Variants in NCK2 observed in about 807,000 individuals in gnomAD.
NCK2 encodes NCK adaptor protein 2, also known as cytoplasmic protein NCK2.
NCK2 carries 16 observed loss-of-function variants against 33.9 expected under a neutral mutation model. The ratio of observed to expected loss-of-function variants is 0.47; its 90% CI spans 0.32 to 0.72. The LOEUF (loss-of-function observed/expected upper bound fraction) is 0.72. Among genes scored for constraint, NCK2 ranks in the 30% least tolerant of loss-of-function variants. The pLI, the probability that NCK2 is intolerant of heterozygous loss-of-function variation, is 0.03. For synonymous variants in NCK2, 273 were observed against 239.9 expected, an observed-to-expected ratio of 1.14 and a Z score of -1.27; for missense variants, 418 against 537.3, an observed-to-expected ratio of 0.78 and a Z score of 2.19.
rs757598660 is a variant in NCK2 at position 105,891,532 on chromosome 2, ATTTTTTTTTTTTTTTTTTT to A, written c.949-1432_949-1414del. 1.5e-3 allele frequency among the ~76,000 whole-genome samples: 125 copies of A among 81,352 alleles called. 1 individual carries two copies. The highest frequency in any genetic ancestry group is 6.6e-3 in the African/African-American group (119 of 17,986). The allele number at this position is 81,352 out of a possible 152,430, so 53.4% of individuals were successfully genotyped here. A position where few individuals can be genotyped will look rare whatever the true frequency, so the allele number is the denominator to read the frequency against. On this transcript the variant is annotated intron_variant, in intron 4 of 4. Coordinates refer to ENST00000233154, the MANE Select transcript of NCK2 (RefSeq NM_003581.5). Reference sequence around the variant, plus strand: ...TTTCAGCAAATGAGATAAAAGACCAATTTTTTTTTTTTTTTTTTTTTTTTTTTTTTTTTTTTGAGATTTT... The same window carrying A: ...TTTCAGCAAATGAGATAAAAGACCAATTTTTTTTTTTTTTTTTGAGATTTT...
At chr2:105,884,202 T>C (rs1678623898) in intron 4 of NCK2, among the ~76,000 whole-genome samples, 1 of 151,950 alleles carries the variant, frequency 6.6e-6, no homozygotes, top group South Asian at 2.1e-4. Context: ...GGACCTGTCC[T>C]GGTGGACAAG....
At chr2:105,834,094 T>A (rs945953416) in intron 2 of NCK2, among the ~76,000 whole-genome samples, 1 of 152,236 alleles carries the variant, frequency 6.6e-6, no homozygotes, top group Non-Finnish European at 1.5e-5. Context: ...CATGTGCTGA[T>A]GAAAGGGTGT....
chr2:105,775,803 TA>T (rs1312366679), intron 1 of NCK2, among the ~76,000 whole-genome samples: 1 of 152,194 alleles, frequency 6.6e-6, no homozygotes, highest in Non-Finnish European at 1.5e-5. Flanking sequence ...TGGATTCTTT[TA>T]ATGTGTATTT....
intron 3 of NCK2, among the ~76,000 whole-genome samples, chr2:105,879,519 G>A (rs542334921): frequency 2.6e-5 from 4 of 152,228 alleles, no homozygotes; most frequent in Non-Finnish European, 5.9e-5. Flanking sequence ...AAATCTAAGC[G>A]TTTCACCTGT....
chr2:105,776,157 G>A (rs1293314369), intron 1 of NCK2, among the ~76,000 whole-genome samples: 1 of 152,152 alleles, frequency 6.6e-6, no homozygotes, highest in African/African-American at 2.4e-5. Flanking sequence ...AGGAATCTCA[G>A]TGCTCTGCCC....
At chr2:105,779,468 T>C (rs1400100814) in intron 1 of NCK2, among the ~76,000 whole-genome samples, 1 of 152,214 alleles carries the variant, frequency 6.6e-6, no homozygotes, top group Non-Finnish European at 1.5e-5. Flanking sequence ...AGAGCTTCAG[T>C]CTGTCTGAAT....
At chr2:105,745,860 AC>A (rs1423496426) in intron 1 of NCK2, 3 of 152,194 alleles carry the variant, frequency 2.0e-5, no homozygotes, top group Non-Finnish European at 4.4e-5. Context: ...CGATTTAATC[AC>A]CGAGTGCTTT....
At chr2:105,850,006 A>G (rs1324333523) in intron 2 of NCK2, among the ~76,000 whole-genome samples, 1 of 152,172 alleles carries the variant, frequency 6.6e-6, no homozygotes, top group Admixed American at 6.5e-5. Context: ...CCACACCTAT[A>G]TAAATGTTAA....
chr2:105,867,049 G>A (rs1014829335), intron 3 of NCK2, among the ~76,000 whole-genome samples: 3 of 152,132 alleles, frequency 2.0e-5, no homozygotes, highest in African/African-American at 2.4e-5. Context: ...AAACTAAGCC[G>A]CTCTCCAAGG....
chr2:105,774,664 C>T (rs2104388120), intron 1 of NCK2, among the ~76,000 whole-genome samples: 1 of 152,176 alleles, frequency 6.6e-6, no homozygotes, highest in South Asian at 2.1e-4. Flanking sequence ...CCTGTCCACT[C>T]TGTGGTGCGG....
rs536506422 is a variant in NCK2 at position 105,881,279 on chromosome 2, G to C, written c.227-49G>C. ...GAAATCCCGGTAGGCTAGGGAGTGT[G>C]GTGGTGCCCAAGTGCCCTGCGCCAC... On this transcript the variant is annotated intron_variant, in intron 3 of 4. Transcript: ENST00000233154. 7.2e-6 allele frequency: 11 copies of C among 1,537,100 alleles called. No homozygotes were observed. In the African/African-American group the frequency reaches 1.1e-4, roughly 15 times the overall value.
chr2:105,867,229 G>T (rs1168379781), intron 3 of NCK2, among the ~76,000 whole-genome samples: 1 of 152,154 alleles, frequency 6.6e-6, no homozygotes, highest in Non-Finnish European at 1.5e-5. Context: ...GACTCTGTGG[G>T]TTTTCAGAGA....
At chr2:105,840,109 C>T (rs1335743430) in intron 2 of NCK2, among the ~76,000 whole-genome samples, 2 of 152,092 alleles carry the variant, frequency 1.3e-5, no homozygotes, top group Non-Finnish European at 2.9e-5. Context: ...AGAGTATCCC[C>T]TCTATAAAGG....
At position 105,809,846 on chromosome 2, in the gene NCK2, A is replaced by G. The variant is rs186529783; in HGVS notation, c.-200-6584A>G. Among the ~76,000 whole-genome samples the G allele has an allele frequency of 2.2e-4, 34 of 152,298 alleles. No individual in the cohort carries two copies. The East Asian group carries it at 4.6e-3, about 21-fold the overall frequency. Reference sequence around the variant, plus strand: ...GAGGGGCTTTTGAAGAGCTTCTTGAATGAGAGATCTTACCTCACCCACTGA... The same window carrying G: ...GAGGGGCTTTTGAAGAGCTTCTTGAGTGAGAGATCTTACCTCACCCACTGA... On this transcript the variant is annotated intron_variant, in intron 1 of 4. Coordinates refer to ENST00000233154, the MANE Select transcript of NCK2 (RefSeq NM_003581.5).
chr2:105,754,429 C>T (rs1032984980), intron 1 of NCK2, among the ~76,000 whole-genome samples: 1 of 152,188 alleles, frequency 6.6e-6, no homozygotes, highest in African/African-American at 2.4e-5. Context: ...TTATGTCTCC[C>T]ATTTAATATC....
chr2:105,797,158 G>T (rs1027379752), intron 1 of NCK2, among the ~76,000 whole-genome samples: 3 of 152,064 alleles, frequency 2.0e-5, no homozygotes, highest in African/African-American at 7.2e-5. Flanking sequence ...CCACCCACAA[G>T]AAAAAAGTTG....
At chr2:105,882,130 A>G in intron 4 of NCK2, 81 bp downstream of exon 4, 2 of 1,374,646 alleles carry the variant, frequency 1.5e-6, no homozygotes, top group South Asian at 2.0e-5. Flanking sequence ...CGCCCTTTTC[A>G]CATTGTGTGA....
At chr2:105,795,285 A>T (rs1437419654) in intron 1 of NCK2, among the ~76,000 whole-genome samples, 2 of 148,666 alleles carry the variant, frequency 1.3e-5, no homozygotes, top group Non-Finnish European at 2.9e-5. Flanking sequence ...ATATGTGTAT[A>T]CAGTGATATA....
chr2:105,791,406 G>A (rs924667066), intron 1 of NCK2, among the ~76,000 whole-genome samples: 8 of 150,968 alleles, frequency 5.3e-5, no homozygotes, highest in Admixed American at 3.3e-4. Context: ...TGGCTTTCAC[G>A]ATGGGAGGAT....
Sources: gnomAD v4.1 joint callset for allele counts (sites outside exome capture counted in the v4.1 genomes callset) on GRCh38, gnomAD v4.1.1 for gene constraint, MANE v1.5 for transcripts, NCBI Gene and HGNC (gene_info 2026-07-23, HGNC 2026-07-21) for gene names.